The following MTREX variants were observed in gnomAD, a reference collection of about 807,000 sequenced individuals.
MTREX encodes the protein exosome RNA helicase MTR4.
A neutral mutation model predicts 135.4 loss-of-function variants in MTREX; 76 were observed. The ratio of observed to expected loss-of-function variants is 0.56; its 90% confidence interval spans 0.47 to 0.68. The LOEUF (loss-of-function observed/expected upper bound fraction) is 0.68, where lower values mean the gene tolerates loss of function less well. Ranked by LOEUF, MTREX falls within the 30% of genes least tolerant of loss-of-function variation. The probability of loss-of-function intolerance (pLI) is 0.00; values close to 1 mark genes in which losing one functional copy is unlikely to be tolerated. For missense variants in MTREX, 920 were observed against 1,262.1 expected (o/e 0.73, Z 4.11); for synonymous variants, 404 against 401.6 (o/e 1.01, Z -0.07).
rs189473866 is a variant in MTREX at position 55,320,412 on chromosome 5, T to C, written c.135-1915T>C. ...TGTATTTTTAGTAGAGACGACGGGGTTTCACCGTGTTAGCCAGGATGGTCT... is the reference window on the plus strand; with the variant it reads ...TGTATTTTTAGTAGAGACGACGGGGCTTCACCGTGTTAGCCAGGATGGTCT... On this transcript the variant is annotated intron_variant, in intron 1 of 26. Transcript: ENST00000230640. Among the ~76,000 whole-genome samples, 162 of 152,036 alleles carry C rather than the reference T, an allele frequency of 1.1e-3. 1 individual carries two copies. Among genetic ancestry groups the C allele is most frequent in the Admixed American group, 7.5e-3 (115 of 15,262 alleles).
intron 7 of MTREX, among the ~76,000 whole-genome samples, chr5:55,342,517 C>A (rs916326917): frequency 6.6e-6 from 1 of 152,094 alleles, no homozygotes; most frequent in African/African-American, 2.4e-5. Flanking sequence ...CTTACAAATG[C>A]CCCTTACTTA....
chr5:55,419,517 C>T (rs1751021772), intron 25 of MTREX, among the ~76,000 whole-genome samples: 1 of 152,148 alleles, frequency 6.6e-6, no homozygotes. Context: ...AAAAAAATGA[C>T]AGAATTTAGC....
intron 1 of MTREX, among the ~76,000 whole-genome samples, chr5:55,317,102 A>G (rs1426095471): frequency 6.6e-6 from 1 of 152,184 alleles, no homozygotes; most frequent in Non-Finnish European, 1.5e-5. Context: ...AGATATATGC[A>G]ATGAGAATTA....
At chr5:55,372,054 T>C (rs1203245068) in intron 16 of MTREX, among the ~76,000 whole-genome samples, 1 of 152,200 alleles carries the variant, frequency 6.6e-6, no homozygotes, top group African/African-American at 2.4e-5. Context: ...CTCTGGTCTG[T>C]GCTGCCTTTA....
chr5:55,358,888 T>A (rs1749964160), intron 15 of MTREX, among the ~76,000 whole-genome samples, 190 bp downstream of exon 15: 1 of 152,218 alleles, frequency 6.6e-6, no homozygotes, highest in Admixed American at 6.5e-5. Context: ...CTTCACCTAA[T>A]AGGTGGAGAG....
chr5:55,340,968 A>G (rs1440452511), intron 6 of MTREX, among the ~76,000 whole-genome samples: 1 of 152,156 alleles, frequency 6.6e-6, no homozygotes, highest in African/African-American at 2.4e-5. Flanking sequence ...GAATATCTTA[A>G]GTTTTGGACA....
Position 55,328,729 on chromosome 5 carries a change from A to G in MTREX, c.433A>G (p.Arg145Gly). The G allele has an allele frequency of 1.9e-6, 3 of 1,613,254 alleles. No individual in the cohort carries two copies. The highest frequency in any genetic ancestry group is 2.5e-6 in the Non-Finnish European group (3 of 1,179,354). ...EYPFILDAFQ[R>G]EAIQCVDNNQ... ...CCCGTTCATTCTTGATGCTTTTCAA[A>G]GAGAGGCCATTCAGTGTGTTGACAA... is the stretch of plus-strand genomic sequence containing the variant. The change falls in exon 5 of 27, where the codon AGA becomes GGA. Residue 145 changes from arginine (R) to glycine (G), a missense_variant. Physicochemically the swap from Arg to Gly is moderately radical, Grantham distance 125. Around this residue, in one of 6 missense-constraint regions of MTREX, gnomAD observed 82 missense variants for 107.4 expected, o/e 0.76. Coordinates refer to ENST00000230640, the MANE Select transcript of MTREX (RefSeq NM_015360.5).
In MTREX at chr5:55,340,026, G is replaced by T; in HGVS notation, c.532G>T (p.Ala178Ser). Residue 178 changes from alanine (A) to serine (S), a missense_variant, in exon 6 of 27, where the codon GCC becomes TCC. Coordinates refer to ENST00000230640, the MANE Select transcript of MTREX (RefSeq NM_015360.5). ...TVCAEYAIAL[A>S]LREKQRVIFT... ...CATTTGTAGGTATGCCATTGCATTG[G>T]CCTTAAGGGAAAAGCAGCGTGTAAT... is the stretch of plus-strand genomic sequence containing the variant. 1 of 1,552,780 alleles carries T rather than the reference G, an allele frequency of 6.4e-7. No individual in the cohort carries two copies. Among genetic ancestry groups the T allele is most frequent in the Non-Finnish European group, 8.7e-7 (1 of 1,150,468 alleles).
At chr5:55,419,973 T>C (rs230758) in intron 25 of MTREX, among the ~76,000 whole-genome samples, 90,910 of 152,022 alleles carry the variant, frequency 0.6, 28,281 homozygotes, top group Middle Eastern at 0.71. Context: ...AAAGTATTCT[T>C]GCTGATAATA....
intron 22 of MTREX, among the ~76,000 whole-genome samples, chr5:55,406,530 A>G (rs1246942314): frequency 6.6e-6 from 1 of 152,144 alleles, no homozygotes; most frequent in Non-Finnish European, 1.5e-5. Context: ...CTTTGTTATC[A>G]TACACCATCA....
At chr5:55,401,924 C>T (rs1262816716) in intron 21 of MTREX, among the ~76,000 whole-genome samples, 1 of 152,146 alleles carries the variant, frequency 6.6e-6, no homozygotes. Context: ...TTATCACATA[C>T]CACTTTTATC....
chr5:55,360,002 TAG>T (rs1011588804), intron 15 of MTREX, among the ~76,000 whole-genome samples: 6 of 152,292 alleles, frequency 3.9e-5, no homozygotes, highest in Admixed American at 2.6e-4. Context: ...AATATATTCA[TAG>T]AGTTTTGTCA....
intron 19 of MTREX, among the ~76,000 whole-genome samples, chr5:55,397,080 A>G (rs1204161156): frequency 1.3e-5 from 2 of 152,204 alleles, no homozygotes; most frequent in Non-Finnish European, 2.9e-5. Context: ...TCTTAGTACT[A>G]TAGTACCTTT....
intron 5 of MTREX, among the ~76,000 whole-genome samples, chr5:55,334,602 T>C (rs1006665962): frequency 5.3e-5 from 8 of 152,264 alleles, no homozygotes; most frequent in African/African-American, 1.9e-4. Flanking sequence ...TTATATAATT[T>C]ACTTACCATT....
At chr5:55,374,343 A>C (rs1750259782) in intron 16 of MTREX, among the ~76,000 whole-genome samples, 1 of 150,234 alleles carries the variant, frequency 6.7e-6, no homozygotes, top group South Asian at 2.1e-4. Flanking sequence ...ACTGGAGTGC[A>C]CTGGCAAAAT....
rs550499564 is a variant in MTREX, at chr5:55,334,158, G to A, written c.515+5347G>A. 2.0e-5 allele frequency among the ~76,000 whole-genome samples: 3 copies of A among 152,242 alleles called. No individual in the cohort carries two copies. In the East Asian group the frequency reaches 5.8e-4, roughly 29 times the overall value. On this transcript the variant is annotated intron_variant, in intron 5 of 26. Transcript: ENST00000230640. ...AAAGACAGCATATTGGTGAGGGACA[G>A]GGACTAGTGAGAGGAGGGGAGTAAA...
chr5:55,347,607 C>T (rs1451946599), intron 11 of MTREX, among the ~76,000 whole-genome samples: 8 of 152,154 alleles, frequency 5.3e-5, no homozygotes, highest in East Asian at 1.9e-4. Context: ...TCTAGCAAAT[C>T]GGTAAATTAT....
At chr5:55,342,985 ACT>A (rs3841589) in intron 7 of MTREX, among the ~76,000 whole-genome samples, 19,565 of 152,172 alleles carry the variant, frequency 0.13, 1,479 homozygotes, top group East Asian at 0.26. Flanking sequence ...TGTTGCTATA[ACT>A]TTCTACAAGT....
chr5:55,333,487 T>C (rs1235852850), intron 5 of MTREX, among the ~76,000 whole-genome samples: 1 of 152,182 alleles, frequency 6.6e-6, no homozygotes. Context: ...ATAATTTGAT[T>C]TTTGGCCATT....
Sources: allele counts gnomAD v4.1 joint callset (sites outside exome capture counted in the v4.1 genomes callset), GRCh38; gene constraint gnomAD v4.1.1; regional missense constraint gnomAD v4.1.1; transcripts MANE v1.5; gene names NCBI Gene and HGNC (gene_info 2026-07-23, HGNC 2026-07-21).